TEKT3: variants seen among roughly 807,000 people sequenced by gnomAD.
The protein encoded by TEKT3 is tektin-3.
TEKT3 carries 49 observed loss-of-function variants against 49.8 expected under a neutral mutation model. That is an observed-to-expected ratio of 0.98 (90% CI 0.78 to 1.25). TEKT3 has a LOEUF of 1.25. Among genes scored for constraint, TEKT3 ranks in the 50% most tolerant of loss-of-function variants. The probability of loss-of-function intolerance (pLI) is 0.00; values close to 1 mark genes in which losing one functional copy is unlikely to be tolerated. For missense variants in TEKT3, 595 were observed against 629.5 expected, an observed-to-expected ratio of 0.95 and a Z score of 0.59; for synonymous variants, 225 against 237.2, an observed-to-expected ratio of 0.95 and a Z score of 0.47.
At chr17:15,314,050 A>C (rs771694493) in intron 6 of TEKT3, 37 bp downstream of exon 6, 23 of 1,613,744 alleles carry the variant, frequency 1.4e-5, no homozygotes, top group Non-Finnish European at 1.8e-5. Flanking sequence ...GAGTTAAATG[A>C]CATCGAAATC....
chr17:15,315,120 G>A (rs1042689636), intron 5 of TEKT3, among the ~76,000 whole-genome samples: 1 of 152,234 alleles, frequency 6.6e-6, no homozygotes, highest in Non-Finnish European at 1.5e-5. Flanking sequence ...TCTCTAAGGA[G>A]CCGACATGTT....
chr17:15,308,677 T>C lies in TEKT3; in HGVS notation c.1243A>G (p.Met415Val), dbSNP rs368370961. ...CTCCCACCTTACCGTAGCTGAGCCA[T>C]GTCTCGGCACAACTCAATGTTCGGC... ...RRPNIELCRD[M>V]AQLRLVNEVH... Residue 415 changes from methionine to valine, a missense_variant, in exon 8 of 9, where the codon ATG becomes GTG. By Grantham distance (21) the Met-to-Val change is conservative (BLOSUM62 1). Coordinates refer to ENST00000395930, the MANE Select transcript of TEKT3 (RefSeq NM_031898.3). 1.6e-5 allele frequency: 26 copies of C among 1,607,972 alleles called. No individual in the cohort carries two copies. Among genetic ancestry groups the C allele is most frequent in the Non-Finnish European group, 2.0e-5 (24 of 1,176,048 alleles).
At chr17:15,309,396 G>A (rs539208421) in intron 7 of TEKT3, among the ~76,000 whole-genome samples, 8 of 152,240 alleles carry the variant, frequency 5.3e-5, no homozygotes, top group Non-Finnish European at 8.8e-5. Context: ...TTGTATTCCT[G>A]ATTTTGTATT....
chr17:15,309,425 C>T (rs1910677236), intron 7 of TEKT3, among the ~76,000 whole-genome samples: 1 of 152,086 alleles, frequency 6.6e-6, no homozygotes, highest in African/African-American at 2.4e-5. Context: ...CTTAAAGAGG[C>T]CACCACCCCA....
chr17:15,307,170 C>A (rs1910588084), intron 8 of TEKT3, among the ~76,000 whole-genome samples: 1 of 152,234 alleles, frequency 6.6e-6, no homozygotes, highest in Admixed American at 6.5e-5. Flanking sequence ...TCCTCTGTGA[C>A]CTTCAGTTTC....
chr17:15,338,987 T>C (rs1467528511), intron 2 of TEKT3, among the ~76,000 whole-genome samples: 3 of 152,178 alleles, frequency 2.0e-5, no homozygotes. Context: ...CATGATGTTT[T>C]GGTTTGAATG....
intron 2 of TEKT3, among the ~76,000 whole-genome samples, chr17:15,336,471 C>A (rs1911986496): frequency 6.6e-6 from 1 of 151,854 alleles, no homozygotes; most frequent in Admixed American, 6.6e-5. Flanking sequence ...AAAGGAAATT[C>A]TTCAGGCAAA....
intron 6 of TEKT3, among the ~76,000 whole-genome samples, chr17:15,313,841 AG>A (rs1910872970): frequency 6.6e-6 from 1 of 152,184 alleles, no homozygotes; most frequent in Non-Finnish European, 1.5e-5. Context: ...TGCATCAGGT[AG>A]GGTTATTTTC....
chr17:15,313,948 ACTTGTCCAAAG>A (rs1295819806), intron 6 of TEKT3, 128 bp downstream of exon 6: 1 of 1,178,416 alleles, frequency 8.5e-7, no homozygotes, highest in African/African-American at 1.5e-5. Flanking sequence ...CTTACTGGAG[ACTTGTCCAAAG>A]CTGGGTGTGT....
At chr17:15,311,296 G>T (rs118175645) in intron 7 of TEKT3, 4 of 152,140 alleles carry the variant, frequency 2.6e-5, no homozygotes. Context: ...TAAAACCATC[G>T]TAGGCAACAT....
At position 15,315,215 on chromosome 17, in the gene TEKT3, C is replaced by A. The variant is rs552926239; in HGVS notation, c.735-985G>T. ...TAAAAACAAAGCAGGAGAAAAGAGA[C>A]CAGGACTGTGGTTATGATTTTAAAG... On this transcript the variant is annotated intron_variant, in intron 5 of 8. Transcript: ENST00000395930. Among the ~76,000 whole-genome samples the A allele has an allele frequency of 2.6e-5, 4 of 152,196 alleles. No individual in the cohort carries two copies. In the South Asian group the frequency reaches 8.3e-4, roughly 32 times the overall value.
intron 5 of TEKT3, among the ~76,000 whole-genome samples, chr17:15,317,675 G>A (rs1911067572): frequency 6.6e-6 from 1 of 152,092 alleles, no homozygotes; most frequent in Non-Finnish European, 1.5e-5. Context: ...ACTTCCTTCC[G>A]TGACCATAAG....
At position 15,303,906 on chromosome 17, in the gene TEKT3, G is replaced by A. The variant is rs1910419599; in HGVS notation, c.*30C>T. 1 of 1,601,590 alleles carries A rather than the reference G, an allele frequency of 6.2e-7. No homozygotes were observed. The highest frequency in any genetic ancestry group is 1.3e-5 in the African/African-American group (1 of 74,612). On this transcript the variant is annotated 3_prime_UTR_variant, in exon 9 of 9. Transcript: ENST00000395930. ...AGTGCTCTGGCTCAGCCTTAACTTA[G>A]GGGTATCAAAACCACACCCGGTGGG...
At chr17:15,335,810 C>G (rs1373060805) in intron 2 of TEKT3, among the ~76,000 whole-genome samples, 2 of 152,014 alleles carry the variant, frequency 1.3e-5, no homozygotes, top group East Asian at 3.9e-4. Context: ...TGGAGAAGAA[C>G]CAAATAAACT....
At chr17:15,334,971 A>G (rs1428603754) in intron 2 of TEKT3, among the ~76,000 whole-genome samples, 1 of 152,246 alleles carries the variant, frequency 6.6e-6, no homozygotes, top group Non-Finnish European at 1.5e-5. Flanking sequence ...AGCCTCTTAT[A>G]TCTAAAAATC....
chr17:15,338,671 A>ATTTTTTT (rs60841981), intron 2 of TEKT3: 7 of 94,062 alleles, frequency 7.4e-5, no homozygotes, highest in African/African-American at 3.5e-4. Context: ...CACCTGGCTA[A>ATTTTTTT]TTTTTTTTTT....
In TEKT3 at chr17:15,331,347, A is replaced by G; in HGVS notation, c.239T>C (p.Met80Thr). 6.2e-7 allele frequency: 1 copy of G among 1,614,200 alleles called. No individual in the cohort carries two copies. Among genetic ancestry groups the G allele is most frequent in the Non-Finnish European group, 8.5e-7 (1 of 1,180,038 alleles). The change falls in exon 3 of 9, where the codon ATG (methionine) becomes ACG (threonine). Residue 80 changes from methionine (M) to threonine (T), a missense_variant. Coordinates refer to ENST00000395930, the MANE Select transcript of TEKT3 (RefSeq NM_031898.3). Reference sequence around the variant, plus strand: ...GGTTCTGTTGGAAACAAAGGGAAGCATGGTATTCTCGGACACCCTCTGTGA... The same window carrying G: ...GGTTCTGTTGGAAACAAAGGGAAGCGTGGTATTCTCGGACACCCTCTGTGA... Reference protein sequence around the residue: ...TRSQRVSENTMLPFVSNRTTF... With the variant: ...TRSQRVSENTTLPFVSNRTTF...
chr17:15,324,426 G>T (rs1460188348), intron 4 of TEKT3, among the ~76,000 whole-genome samples: 1 of 152,064 alleles, frequency 6.6e-6, no homozygotes, highest in Non-Finnish European at 1.5e-5. Flanking sequence ...TTTTGTTTGG[G>T]CATATGTTTT....
chr17:15,312,224 G>A (rs775323399), intron 7 of TEKT3, 35 bp downstream of exon 7: 3 of 1,599,860 alleles, frequency 1.9e-6, no homozygotes, highest in Admixed American at 1.7e-5. Flanking sequence ...GCTCTGTCCA[G>A]GTCAGCTAAG....
Sources: allele counts gnomAD v4.1 joint callset (sites outside exome capture counted in the v4.1 genomes callset), GRCh38; gene constraint gnomAD v4.1.1; transcripts MANE v1.5; gene names NCBI Gene and HGNC (gene_info 2026-07-23, HGNC 2026-07-21).